The following FADS1 variants were observed in gnomAD, a reference collection of about 807,000 sequenced individuals.
FADS1 encodes the protein fatty acid desaturase 1, also known as acyl-CoA (8-3)-desaturase.
A neutral mutation model predicts 61.6 loss-of-function variants in FADS1; 17 were observed. The observed-to-expected ratio is 0.28, with a 90% CI of 0.19 to 0.41. FADS1 has a LOEUF of 0.41. Ranked by LOEUF, FADS1 falls within the 10% of genes least tolerant of loss-of-function variation. The pLI, the probability that FADS1 is intolerant of heterozygous loss-of-function variation, is 1.00. For synonymous variants in FADS1, 238 were observed against 258.7 expected (o/e 0.92, Z 0.77); for missense variants, 387 against 650.9 (o/e 0.59, Z 4.41).
Position 61,802,483 on chromosome 11 carries a change from C to A in FADS1, c.1455-21G>T. 1 of 1,557,752 alleles carries A rather than the reference C, an allele frequency of 6.4e-7. No individual in the cohort carries two copies. Among genetic ancestry groups the A allele is most frequent in the Non-Finnish European group, 8.7e-7 (1 of 1,149,842 alleles). On this transcript the variant is annotated intron_variant, in intron 11 of 11. Transcript: ENST00000350997. The surrounding 1 kb of genome is among the most constrained non-coding windows in gnomAD (Gnocchi z 4.2). Reference sequence around the variant, plus strand: ...GTGAGCTGCAGGGACAAAATGGGGGCAGACAGTGAGGGAGACAAGCAGAGT... The same window carrying A: ...GTGAGCTGCAGGGACAAAATGGGGGAAGACAGTGAGGGAGACAAGCAGAGT...
In FADS1 at chr11:61,815,675, G is replaced by C. The variant is rs1022082007; in HGVS notation, c.375+880C>G. 7.8e-5 allele frequency: 12 copies of C among 154,330 alleles called. No individual in the cohort carries two copies. Among genetic ancestry groups the C allele is most frequent in the Admixed American group, 2.6e-4 (4 of 15,678 alleles). 9.6% of individuals were successfully genotyped at this position (154,330 alleles called of 1,614,324 possible). A position where few individuals can be genotyped will look rare whatever the true frequency, so the allele number is the denominator to read the frequency against. ...CCAGCAGAGAGGCGCCGGGGCCTTA[G>C]CTCTGAGGGCTGTGGTCTAGAAAGG... On this transcript the variant is annotated intron_variant, in intron 1 of 11. Transcript: ENST00000350997. This position sits in a 1 kb window ranked among gnomAD's most constrained non-coding sequence, Gnocchi z 6.4.
At chr11:61,812,700 C>A in intron 2 of FADS1, 32 bp from the exon 3 acceptor site, 1 of 1,588,052 alleles carries the variant, frequency 6.3e-7, no homozygotes, top group East Asian at 2.3e-5. Context: ...TGTTATTCTT[C>A]TCATCTGCAC....
intron 3 of FADS1, 113 bp downstream of exon 3, chr11:61,812,358 T>C: frequency 1.1e-6 from 1 of 892,904 alleles, no homozygotes; most frequent in Non-Finnish European, 1.8e-6. Context: ...CTGCATACCT[T>C]CAGATCTGCC....
At chr11:61,805,075 C>T (rs1401606292) in intron 6 of FADS1, 5 of 468,254 alleles carry the variant, frequency 1.1e-5, no homozygotes, top group Non-Finnish European at 1.5e-5. Context: ...TGCTCCCACA[C>T]CTTTATTATT....
Position 61,803,422 on chromosome 11 carries a change from T to C in FADS1, c.1189A>G (p.Met397Val). Residue 397 changes from methionine to valine, a missense_variant, in exon 9 of 12, where the codon ATG (methionine) becomes GTG (valine). Coordinates refer to ENST00000350997, the MANE Select transcript of FADS1 (RefSeq NM_013402.7). This position sits in a 1 kb window ranked among gnomAD's most constrained non-coding sequence, Gnocchi z 4.3. Reference protein sequence around the residue: ...ESNWFVWVTQMNHIPMHIDHD... With the variant: ...ESNWFVWVTQVNHIPMHIDHD... ...TCAATGTGCATGGGAATATGGTTCA[T>C]CTGTGTCACCCACACAAACCAGTTG... 1 of 1,614,224 alleles carries C rather than the reference T, an allele frequency of 6.2e-7. No individual in the cohort carries two copies. Among genetic ancestry groups the C allele is most frequent in the South Asian group, 1.1e-5 (1 of 91,084 alleles).
chr11:61,804,977 A>G (rs925435478), intron 6 of FADS1: 1 of 581,582 alleles, frequency 1.7e-6, no homozygotes, highest in African/African-American at 1.9e-5. Flanking sequence ...AAAACTCCCA[A>G]GAGGATGCCA....
In FADS1 at chr11:61,803,000, C is replaced by T. The variant is rs767912942; in HGVS notation, c.1328+32G>A. 6.8e-5 allele frequency: 109 copies of T among 1,613,908 alleles called. No individual in the cohort carries two copies. The highest frequency in any genetic ancestry group is 9.2e-5 in the Non-Finnish European group (109 of 1,179,916). On this transcript the variant is annotated intron_variant, in intron 10 of 11. Transcript: ENST00000350997. This position sits in a 1 kb window ranked among gnomAD's most constrained non-coding sequence, Gnocchi z 4.2. ...CTGTACCCAACACTTACACCCTCCC[C>T]AGGACCCTGCTTCCCCAGGCTCCCT... is the stretch of plus-strand genomic sequence containing the variant.
intron 5 of FADS1, among the ~76,000 whole-genome samples, chr11:61,809,969 C>G (rs901354198): frequency 6.6e-6 from 1 of 152,112 alleles, no homozygotes; most frequent in African/African-American, 2.4e-5. Context: ...TGTGTTTTAA[C>G]GACAATTTAA....
Position 61,803,793 on chromosome 11 carries a change from A to C in FADS1, c.1054-26T>G. 2.6e-6 allele frequency: 4 copies of C among 1,512,154 alleles called. No individual in the cohort carries two copies. Among genetic ancestry groups the C allele is most frequent in the Middle Eastern group, 1.7e-4 (1 of 5,872 alleles). 93.7% of individuals were successfully genotyped at this position (1,512,154 alleles called of 1,614,324 possible). On this transcript the variant is annotated intron_variant, in intron 7 of 11. Transcript: ENST00000350997. The surrounding 1 kb of genome is among the most constrained non-coding windows in gnomAD (Gnocchi z 4.3). ...CTATAGTGAGAAAAGCAGCGAGCAT[A>C]ACAGTCACGAACAACTCTTCCTCTT...
At chr11:61,805,416 G>A (rs1001467762) in intron 6 of FADS1, 1 of 152,324 alleles carries the variant, frequency 6.6e-6, no homozygotes, top group Non-Finnish European at 1.5e-5. Context: ...TTGAAGAAGT[G>A]TTGCATTCTA....
chr11:61,813,924 G>A (rs1234770712), intron 1 of FADS1, among the ~76,000 whole-genome samples: 2 of 146,046 alleles, frequency 1.4e-5, no homozygotes, highest in Admixed American at 6.9e-5. Context: ...AGCCGAGATC[G>A]CGCCACTGCA....
Position 61,802,443 on chromosome 11 carries a change from G to C in FADS1, c.1474C>G (p.Gln492Glu). 1 of 1,566,970 alleles carries C rather than the reference G, an allele frequency of 6.4e-7. No individual in the cohort carries two copies. Among genetic ancestry groups the C allele is most frequent in the East Asian group, 2.3e-5 (1 of 42,582 alleles). The change falls in exon 12 of 12, where the codon CAG (glutamine) becomes GAG (glutamate). Residue 492 changes from glutamine to glutamate, a missense_variant. Coordinates refer to ENST00000350997, the MANE Select transcript of FADS1 (RefSeq NM_013402.7). This position sits in a 1 kb window ranked among gnomAD's most constrained non-coding sequence, Gnocchi z 4.2. ...TGAAGATAGGCATCTAGCCAGAGCT[G>C]CCCTGACTCCTTTAGTGAGCTGCAG... is the stretch of plus-strand genomic sequence containing the variant. ...DIIHSLKESGQLWLDAYLHQ is the reference protein window; with the variant it reads ...DIIHSLKESGELWLDAYLHQ
At position 61,816,533 on chromosome 11, in the gene FADS1, GC is replaced by G; in HGVS notation, c.375+21del. 1.9e-6 allele frequency: 3 copies of G among 1,597,042 alleles called. No homozygotes were observed. The highest frequency in any genetic ancestry group is 8.5e-7 in the Non-Finnish European group (1 of 1,173,362). On this transcript the variant is annotated intron_variant, in intron 1 of 11. Transcript: ENST00000350997. This position sits in a 1 kb window ranked among gnomAD's most constrained non-coding sequence, Gnocchi z 7.0. Reference sequence around the variant, plus strand: ...AGCCTCCGGTCCCGCCCTCTCCTGTGCCCCCGCCTGGCTGCGCTCACCGTGG... The same window carrying G: ...AGCCTCCGGTCCCGCCCTCTCCTGTGCCCCGCCTGGCTGCGCTCACCGTGG...
At chr11:61,808,251 T>C (rs1229028075) in intron 5 of FADS1, among the ~76,000 whole-genome samples, 1 of 151,456 alleles carries the variant, frequency 6.6e-6, no homozygotes, top group Non-Finnish European at 1.5e-5. Flanking sequence ...CAGGAGAATC[T>C]CTTGAACTCG....
chr11:61,803,234 T>A lies in FADS1; in HGVS notation c.1249-123A>T, dbSNP rs1335922975. On this transcript the variant is annotated intron_variant, in intron 9 of 11. Transcript: ENST00000350997. This position sits in a 1 kb window ranked among gnomAD's most constrained non-coding sequence, Gnocchi z 4.3. Reference sequence around the variant, plus strand: ...TGTCTTGGTCACTCCCTTCACATGGTTGCAGAACAAGAGCCTCAGGCTAAT... The same window carrying A: ...TGTCTTGGTCACTCCCTTCACATGGATGCAGAACAAGAGCCTCAGGCTAAT... 14 of 1,247,966 alleles carry A rather than the reference T, an allele frequency of 1.1e-5. No homozygotes were observed. Among genetic ancestry groups the A allele is most frequent in the Non-Finnish European group, 2.3e-6 (2 of 851,456 alleles). The allele number at this position is 1,247,966 out of a possible 1,614,324, so 77.3% of individuals were successfully genotyped here.
Position 61,802,319 on chromosome 11 carries a change from TTAAAC to T in FADS1, c.*87_*91del. 8.7e-7 allele frequency: 1 copy of T among 1,148,654 alleles called. No homozygotes were observed. The highest frequency in any genetic ancestry group is 1.3e-5 in the South Asian group (1 of 75,948). 71.2% of individuals were successfully genotyped at this position (1,148,654 alleles called of 1,614,324 possible). ...CCCCAAACCCAACCCCCTCTGAGTA[TTAAAC>T]TATAGTGGCATTGTCCCTCAAGCTC... On this transcript the variant is annotated 3_prime_UTR_variant, in exon 12 of 12. Transcript: ENST00000350997. The surrounding 1 kb of genome is among the most constrained non-coding windows in gnomAD (Gnocchi z 4.2).
At chr11:61,810,688 C>A (rs1428952632) in intron 5 of FADS1, 63 bp downstream of exon 5, 1 of 1,595,250 alleles carries the variant, frequency 6.3e-7, no homozygotes, top group East Asian at 2.2e-5. Context: ...GGCATCTTCC[C>A]CAACTCCCCT....
Position 61,816,801 on chromosome 11 carries a change from C to T in FADS1, c.129G>A (p.Leu43=). 1.3e-6 allele frequency: 2 copies of T among 1,499,972 alleles called. No homozygotes were observed. Among genetic ancestry groups the T allele is most frequent in the Non-Finnish European group, 1.8e-6 (2 of 1,133,924 alleles). 92.9% of individuals were successfully genotyped at this position (1,499,972 alleles called of 1,614,324 possible). A position where few individuals can be genotyped will look rare whatever the true frequency, so the allele number is the denominator to read the frequency against. Residue 43 remains leucine, a synonymous_variant, in exon 1 of 12, where the codon CTG becomes CTA. Coordinates refer to ENST00000350997, the MANE Select transcript of FADS1 (RefSeq NM_013402.7). The surrounding 1 kb of genome is among the most constrained non-coding windows in gnomAD (Gnocchi z 7.0). ...CGCGCGCCGGGCCAGCAGGGGCTGT[C>T]AGGCGCGTGCTCGGGGTCCGCGGGC... ...SWSPRTPSTR[L]TAPAGPARGV... is the part of the protein sequence containing the mutation.
intron 7 of FADS1, 70 bp downstream of exon 7, chr11:61,804,615 G>A (rs2066880928): frequency 7.6e-7 from 1 of 1,317,230 alleles, no homozygotes; most frequent in Admixed American, 1.8e-5. Context: ...AGTTTCCCCT[G>A]GGGAACCCCT....
Sources: allele counts gnomAD v4.1 joint callset (sites outside exome capture counted in the v4.1 genomes callset), GRCh38; gene constraint gnomAD v4.1.1; non-coding constraint Gnocchi (gnomAD v3.1); transcripts MANE v1.5; gene names NCBI Gene and HGNC (gene_info 2026-07-23, HGNC 2026-07-21).